Variants in STPG2 observed in about 807,000 individuals in gnomAD.
STPG2 encodes sperm tail PG-rich repeat containing 2.
Under a neutral mutation model 54.2 loss-of-function variants are expected in STPG2, and 56 were observed. The observed-to-expected ratio is 1.03, with a 90% CI of 0.83 to 1.29. The LOEUF (loss-of-function observed/expected upper bound fraction) is 1.29. STPG2 is among the 50% of genes most tolerant of loss of function. The probability of loss-of-function intolerance (pLI) is 0.00; values close to 1 mark genes in which losing one functional copy is unlikely to be tolerated. For synonymous variants in STPG2, 200 were observed against 181.8 expected (o/e 1.10, Z -0.81); for missense variants, 596 against 544.9 (o/e 1.09, Z -0.93).
chr4:97,908,057 A>G (rs1167148503), intron 8 of STPG2, among the ~76,000 whole-genome samples: 1 of 152,052 alleles, frequency 6.6e-6, no homozygotes, highest in Non-Finnish European at 1.5e-5. Flanking sequence ...ACAGCAAAAG[A>G]AACTACCATC....
chr4:97,946,221 G>A (rs1030909005), intron 7 of STPG2, among the ~76,000 whole-genome samples: 2 of 151,978 alleles, frequency 1.3e-5, no homozygotes, highest in Non-Finnish European at 2.9e-5. Context: ...ATTCATGTCA[G>A]TTGCCCACTT....
At chr4:97,926,355 C>T (rs895652702) in intron 8 of STPG2, among the ~76,000 whole-genome samples, 1 of 152,122 alleles carries the variant, frequency 6.6e-6, no homozygotes, top group Non-Finnish European at 1.5e-5. Flanking sequence ...TGTTTTTCTA[C>T]TCTTTTTGAT....
In STPG2 at chr4:98,143,190, C is replaced by G. The variant is rs952144644; in HGVS notation, c.-40G>C. 1 of 1,512,982 alleles carries G rather than the reference C, an allele frequency of 6.6e-7. No homozygotes were observed. The highest frequency in any genetic ancestry group is 1.4e-5 in the African/African-American group (1 of 72,626). 93.7% of individuals were successfully genotyped at this position (1,512,982 alleles called of 1,614,324 possible). A position where few individuals can be genotyped will look rare whatever the true frequency, so the allele number is the denominator to read the frequency against. ...TGGGGGCGCTGGGGAAGGGCAGGTG[C>G]CGAAAACGATAAAAACAAGGTAGCT... On this transcript the variant is annotated 5_prime_UTR_variant, in exon 1 of 11. Coordinates refer to ENST00000295268, the MANE Select transcript of STPG2 (RefSeq NM_174952.3).
At chr4:98,044,364 G>A (rs958260472) in intron 5 of STPG2, among the ~76,000 whole-genome samples, 1 of 152,148 alleles carries the variant, frequency 6.6e-6, no homozygotes, top group Non-Finnish European at 1.5e-5. Context: ...GGTCACAACA[G>A]TGACAGAAAT....
chr4:97,686,935 A>T (rs13144050), intron 10 of STPG2, among the ~76,000 whole-genome samples: 3 of 148,718 alleles, frequency 2.0e-5, no homozygotes, highest in African/African-American at 5.0e-5. Flanking sequence ...TATTATTATT[A>T]TTATTATTTT....
At chr4:97,516,358 G>A (rs577051482) in intron 4 of STPG2, among the ~76,000 whole-genome samples, 1 of 152,142 alleles carries the variant, frequency 6.6e-6, no homozygotes, top group Non-Finnish European at 1.5e-5. Flanking sequence ...CATTTTAAGT[G>A]CAAATTTGAA....
At chr4:97,837,959 T>G (rs1426963403) in intron 9 of STPG2, among the ~76,000 whole-genome samples, 6 of 151,518 alleles carry the variant, frequency 4.0e-5, no homozygotes, top group Non-Finnish European at 8.9e-5. Flanking sequence ...ATTCTCTATA[T>G]AGATAGAAAG....
chr4:97,807,812 T>C (rs950174355), intron 9 of STPG2, among the ~76,000 whole-genome samples: 2 of 151,764 alleles, frequency 1.3e-5, no homozygotes, highest in Non-Finnish European at 1.5e-5. Context: ...TCAAGCAGGA[T>C]AAGGATACAA....
intron 9 of STPG2, among the ~76,000 whole-genome samples, chr4:97,724,827 T>A (rs1002777136): frequency 1.3e-5 from 2 of 152,172 alleles, no homozygotes; most frequent in Non-Finnish European, 2.9e-5. Flanking sequence ...TTTATCAAGT[T>A]AAGAAAGTTA....
intron 5 of STPG2, among the ~76,000 whole-genome samples, chr4:98,088,928 C>A (rs1005976434): frequency 6.6e-6 from 1 of 152,126 alleles, no homozygotes; most frequent in Non-Finnish European, 1.5e-5. Context: ...TCATTGGATG[C>A]CTTTGGATCC....
chr4:97,484,914 T>A (rs1281600527), intron 4 of STPG2, among the ~76,000 whole-genome samples: 1 of 151,716 alleles, frequency 6.6e-6, no homozygotes, highest in East Asian at 1.9e-4. Flanking sequence ...TATACACAAG[T>A]CAATAAATGT....
intron 5 of STPG2, among the ~76,000 whole-genome samples, chr4:98,000,307 G>C (rs899086634): frequency 6.6e-6 from 1 of 152,048 alleles, no homozygotes; most frequent in African/African-American, 2.4e-5. Flanking sequence ...TAAAATGAAA[G>C]TTTGAAACTT....
chr4:98,025,569 G>A, intron 5 of STPG2: 3 of 729,932 alleles, frequency 4.1e-6, no homozygotes, highest in Admixed American at 3.5e-5. Context: ...GATATCATTT[G>A]TCAGATTGCT....
chr4:97,841,210 T>C (rs1028859690), intron 8 of STPG2, among the ~76,000 whole-genome samples: 1 of 151,730 alleles, frequency 6.6e-6, no homozygotes, highest in Admixed American at 6.6e-5. Context: ...TCAAATATAT[T>C]CAATTTAATC....
intron 4 of STPG2, among the ~76,000 whole-genome samples, chr4:97,466,965 G>C (rs1055537026): frequency 3.9e-5 from 6 of 152,030 alleles, no homozygotes; most frequent in African/African-American, 1.4e-4. Flanking sequence ...AGCTACTATA[G>C]TCAAAACCGA....
rs537744213 is a variant in STPG2, at chr4:97,980,095, A to C, written c.772+1064T>G. ...CAGCTACTCAGAAGGCTGAAGCAGG[A>C]GGATCCTTTGAGCCAGGAGTTGGAG... On this transcript the variant is annotated intron_variant, in intron 6 of 10. Coordinates refer to ENST00000295268, the MANE Select transcript of STPG2 (RefSeq NM_174952.3). Among the ~76,000 whole-genome samples the C allele has an allele frequency of 2.0e-5, 3 of 152,200 alleles. No individual in the cohort carries two copies. The East Asian group carries it at 5.8e-4, about 29-fold the overall frequency.
intron 3 of STPG2, among the ~76,000 whole-genome samples, chr4:98,122,096 T>G (rs1030323906): frequency 4.1e-4 from 12 of 29,582 alleles, no homozygotes; most frequent in Non-Finnish European, 6.7e-4. Context: ...AAGAGGCTTT[T>G]GGGCTGAGAC....
chr4:97,891,901 T>A (rs1164940486), intron 8 of STPG2, among the ~76,000 whole-genome samples: 1 of 152,034 alleles, frequency 6.6e-6, no homozygotes, highest in African/African-American at 2.4e-5. Context: ...TCAGAAACCA[T>A]TATGTCTACC....
At chr4:97,675,963 T>C (rs951830786) in intron 10 of STPG2, among the ~76,000 whole-genome samples, 2 of 146,596 alleles carry the variant, frequency 1.4e-5, no homozygotes, top group South Asian at 2.1e-4. Flanking sequence ...TATAGTATAC[T>C]ATATATAGAC....
Sources: allele counts gnomAD v4.1 joint callset (sites outside exome capture counted in the v4.1 genomes callset), GRCh38; gene constraint gnomAD v4.1.1; transcripts MANE v1.5; gene names NCBI Gene and HGNC (gene_info 2026-07-23, HGNC 2026-07-21).